The following PTRH2 variants were observed in gnomAD, a reference collection of about 807,000 sequenced individuals.
PTRH2 encodes the protein peptidyl-tRNA hydrolase 2, mitochondrial.
In PTRH2, 10 loss-of-function variants were observed where a neutral mutation model predicts 12.3. The ratio of observed to expected loss-of-function variants is 0.81; its 90% CI spans 0.50 to 1.38. PTRH2 has a LOEUF of 1.38. Ranked by LOEUF, PTRH2 falls within the 40% of genes most tolerant of loss-of-function variation. The pLI is 0.00. For missense variants in PTRH2, 176 were observed against 214.1 expected (o/e 0.82, Z 1.11); for synonymous variants, 73 against 77.4 (o/e 0.94, Z 0.30).
chr17:59,697,513 G>T lies in PTRH2; in HGVS notation c.466C>A (p.Gln156Lys). ...AGRTQIAPGS[Q>K]TVLGIGPGPA... ...CCTGGCCCAATCCCTAGGACAGTTT[G>T]AGAGCCTGGTGCAATCTGAGTACGT... Residue 156 changes from glutamine to lysine, a missense_variant, in exon 2 of 2, where the codon CAA (glutamine) becomes AAA (lysine). Physicochemically the swap from Gln to Lys is moderately conservative, Grantham distance 53 (BLOSUM62 1). Coordinates refer to ENST00000393038, the MANE Select transcript of PTRH2 (RefSeq NM_016077.5). The T allele has an allele frequency of 6.2e-7, 1 of 1,614,190 alleles. No individual in the cohort carries two copies. The highest frequency in any genetic ancestry group is 8.5e-7 in the Non-Finnish European group (1 of 1,180,020).
chr17:59,704,704 A>G (rs1474320064), intron 1 of PTRH2, among the ~76,000 whole-genome samples: 1 of 152,196 alleles, frequency 6.6e-6, no homozygotes, highest in East Asian at 1.9e-4. Flanking sequence ...AAGTGCCTAA[A>G]TACGGTGACA....
At chr17:59,701,405 C>T (rs924106451) in intron 1 of PTRH2, 3 of 152,226 alleles carry the variant, frequency 2.0e-5, no homozygotes, top group Middle Eastern at 3.4e-3. Context: ...AGACTTAGAG[C>T]GATGCATAGG....
At chr17:59,698,182 A>G (rs997398391) in intron 1 of PTRH2, 2 of 584,374 alleles carry the variant, frequency 3.4e-6, no homozygotes, top group Non-Finnish European at 6.0e-6. Flanking sequence ...CATCCACATG[A>G]AACAGTTTAG....
At chr17:59,701,739 T>C (rs1024955749) in intron 1 of PTRH2, among the ~76,000 whole-genome samples, 3 of 152,192 alleles carry the variant, frequency 2.0e-5, no homozygotes, top group Admixed American at 2.0e-4. Flanking sequence ...GGAGTCTCGC[T>C]CTGTCGCCCA....
chr17:59,703,845 A>G (rs1598260751), intron 1 of PTRH2, among the ~76,000 whole-genome samples: 1 of 141,008 alleles, frequency 7.1e-6, no homozygotes, highest in African/African-American at 2.7e-5. Context: ...GTCTCACTCT[A>G]TTGCCAGGCT....
At chr17:59,706,983 G>C (rs113042482) in intron 1 of PTRH2, among the ~76,000 whole-genome samples, 3,045 of 152,158 alleles carry the variant, frequency 0.02, 46 homozygotes, top group Middle Eastern at 0.034. Flanking sequence ...CCAAATTTTC[G>C]ACTATATTCT....
At chr17:59,701,057 C>T (rs916239314) in intron 1 of PTRH2, 4 of 152,218 alleles carry the variant, frequency 2.6e-5, no homozygotes, top group Non-Finnish European at 5.9e-5. Flanking sequence ...AGCCAAAAGA[C>T]TAAAACTACT....
chr17:59,698,628 T>C, intron 1 of PTRH2: 3 of 476,690 alleles, frequency 6.3e-6, no homozygotes, highest in Non-Finnish European at 1.1e-5. Flanking sequence ...TCCTCAATTT[T>C]CCATGGGGTT....
intron 1 of PTRH2, among the ~76,000 whole-genome samples, chr17:59,703,786 G>A (rs893276369): frequency 6.6e-5 from 10 of 151,550 alleles, no homozygotes; most frequent in African/African-American, 2.2e-4. Context: ...GATTACGGGC[G>A]TGAGCCACCA....
chr17:59,704,953 A>G (rs1037742887), intron 1 of PTRH2, among the ~76,000 whole-genome samples: 1 of 151,870 alleles, frequency 6.6e-6, no homozygotes, highest in Non-Finnish European at 1.5e-5. Flanking sequence ...ACACCTGGCT[A>G]ATTTTTGTAT....
intron 1 of PTRH2, 200 bp from the exon 2 acceptor site, chr17:59,698,178 C>T (rs895452765): frequency 6.1e-5 from 36 of 589,246 alleles, no homozygotes; most frequent in African/African-American, 3.7e-5. Flanking sequence ...CAAGCATCCA[C>T]ATGAAACAGT....
At chr17:59,705,073 C>A (rs1229678931) in intron 1 of PTRH2, among the ~76,000 whole-genome samples, 1 of 152,220 alleles carries the variant, frequency 6.6e-6, no homozygotes, top group Non-Finnish European at 1.5e-5. Flanking sequence ...AGGCATGGGC[C>A]ACCATGCCTG....
chr17:59,704,181 C>T (rs546862192), intron 1 of PTRH2, among the ~76,000 whole-genome samples: 1 of 152,150 alleles, frequency 6.6e-6, no homozygotes, highest in East Asian at 1.9e-4. Context: ...ATTTAGACAA[C>T]AGTAGTGGGA....
At chr17:59,698,809 GAATATCTCCTGT>G (rs1486971830) in intron 1 of PTRH2, 1 of 702,480 alleles carries the variant, frequency 1.4e-6, no homozygotes, top group East Asian at 2.7e-5. Context: ...TAATAGTGTT[GAATATCTCCTGT>G]AATTTATTGA....
chr17:59,702,170 T>C (rs1490811547), intron 1 of PTRH2, among the ~76,000 whole-genome samples: 1 of 152,154 alleles, frequency 6.6e-6, no homozygotes, highest in Non-Finnish European at 1.5e-5. Flanking sequence ...GTGCCAGCCA[T>C]ACACCCTGTT....
chr17:59,697,926 C>G lies in PTRH2; in HGVS notation c.53G>C (p.Gly18Ala), dbSNP rs1362037017. 6 of 1,614,006 alleles carry G rather than the reference C, an allele frequency of 3.7e-6. No individual in the cohort carries two copies. The highest frequency in any genetic ancestry group is 1.6e-4 in the Middle Eastern group (1 of 6,062). ...MEYLAHPSTL[G>A]LAVGVACGMC... ...GCCACAAGCAACTCCAACAGCCAAGCCGAGTGTACTGGGATGAGCCAAATA... is the reference window on the plus strand; with the variant it reads ...GCCACAAGCAACTCCAACAGCCAAGGCGAGTGTACTGGGATGAGCCAAATA... The change falls in exon 2 of 2, where the codon GGC (glycine) becomes GCC (alanine). Residue 18 changes from glycine (G) to alanine (A), a missense_variant. Gly to Ala is a moderately conservative substitution (Grantham distance 60). Transcript: ENST00000393038.
intron 1 of PTRH2, among the ~76,000 whole-genome samples, chr17:59,701,859 ATT>A (rs999977067): frequency 1.4e-4 from 19 of 134,054 alleles, no homozygotes; most frequent in Non-Finnish European, 9.6e-5. Context: ...CACCCGGCTA[ATT>A]TTTTTTTTTT....
At chr17:59,700,935 G>T (rs749454441) in intron 1 of PTRH2, 6 of 152,214 alleles carry the variant, frequency 3.9e-5, no homozygotes, top group Non-Finnish European at 5.9e-5. Flanking sequence ...GGAAATAAAA[G>T]GTGTGGCAAA....
Position 59,697,814 on chromosome 17 carries a change from T to C in PTRH2, c.165A>G (p.Glu55=). Residue 55 remains glutamate, a synonymous_variant, in exon 2 of 2, where the codon GAA becomes GAG. Coordinates refer to ENST00000393038, the MANE Select transcript of PTRH2 (RefSeq NM_016077.5). ...TSKTHTDTES[E]ASILGDSGEY... The stretch of plus-strand genomic sequence containing the variant: ...CCCCGCTGTCTCCCAAGATGCTTGC[T>C]TCACTTTCAGTATCTGTGTGTGTCT... 1 of 1,614,224 alleles carries C rather than the reference T, an allele frequency of 6.2e-7. No homozygotes were observed. Among genetic ancestry groups the C allele is most frequent in the Non-Finnish European group, 8.5e-7 (1 of 1,180,040 alleles).
Sources: gnomAD v4.1 joint callset for allele counts (sites outside exome capture counted in the v4.1 genomes callset) on GRCh38, gnomAD v4.1.1 for gene constraint, MANE v1.5 for transcripts, NCBI Gene and HGNC (gene_info 2026-07-23, HGNC 2026-07-21) for gene names.